The following GRIN2A variants were observed in gnomAD, a reference collection of about 807,000 sequenced individuals.
GRIN2A encodes the protein glutamate ionotropic receptor NMDA type subunit 2A.
GRIN2A carries 22 observed loss-of-function variants against 113.4 expected under a neutral mutation model. The observed-to-expected ratio is 0.19, with a 90% confidence interval of 0.14 to 0.28. The LOEUF (loss-of-function observed/expected upper bound fraction) is 0.28, where lower values mean the gene tolerates loss of function less well. GRIN2A is among the 10% of genes least tolerant of loss of function. GRIN2A has a pLI of 1.00. For synonymous variants in GRIN2A, 827 were observed against 738.4 expected (o/e 1.12, Z -1.94); for missense variants, 1,502 against 1,887.0 (o/e 0.80, Z 3.78).
intron 4 of GRIN2A, among the ~76,000 whole-genome samples, chr16:9,869,824 A>G (rs1011904468): frequency 1.3e-5 from 2 of 152,194 alleles, no homozygotes; most frequent in Non-Finnish European, 1.5e-5. Flanking sequence ...ACATTAACTC[A>G]TGTTTGTGAA....
chr16:10,144,601 C>A (rs569598857), intron 2 of GRIN2A, among the ~76,000 whole-genome samples: 1 of 152,202 alleles, frequency 6.6e-6, no homozygotes, highest in African/African-American at 2.4e-5. Flanking sequence ...TATTTTCTCC[C>A]ATTCTATAGG....
intron 2 of GRIN2A, among the ~76,000 whole-genome samples, chr16:10,147,498 TG>T (rs2049468071): frequency 7.2e-6 from 1 of 138,282 alleles, no homozygotes; most frequent in African/African-American, 2.7e-5. Context: ...CATGCAGGCA[TG>T]GTGGTACACA....
intron 4 of GRIN2A, among the ~76,000 whole-genome samples, chr16:9,883,537 C>G (rs554631293): frequency 6.6e-6 from 1 of 152,296 alleles, no homozygotes; most frequent in South Asian, 2.1e-4. Context: ...GCAAAGAGGA[C>G]AAATGTTTGA....
chr16:9,795,202 G>T (rs1414755040), intron 11 of GRIN2A, among the ~76,000 whole-genome samples: 1 of 152,136 alleles, frequency 6.6e-6, no homozygotes, highest in Non-Finnish European at 1.5e-5. Context: ...GTGGGCAAAA[G>T]ATATAGATCA....
intron 3 of GRIN2A, among the ~76,000 whole-genome samples, chr16:9,907,536 T>C (rs1015460991): frequency 2.5e-4 from 38 of 152,326 alleles, no homozygotes; most frequent in African/African-American, 8.4e-4. Context: ...GAATCCTGAT[T>C]GCAGTCATGA....
chr16:10,012,045 G>A (rs2046515492), intron 2 of GRIN2A, among the ~76,000 whole-genome samples: 1 of 152,034 alleles, frequency 6.6e-6, no homozygotes, highest in African/African-American at 2.4e-5. Context: ...AGTCCAATCA[G>A]TGATACTTGG....
chr16:10,125,630 G>GTA (rs2048917112), intron 2 of GRIN2A, among the ~76,000 whole-genome samples: 1 of 104,534 alleles, frequency 9.6e-6, no homozygotes, highest in African/African-American at 3.4e-5. Flanking sequence ...CATGGTGGGA[G>GTA]GAAAAAAAAA....
chr16:9,938,821 C>G (rs1389727802), intron 2 of GRIN2A, among the ~76,000 whole-genome samples: 1 of 152,142 alleles, frequency 6.6e-6, no homozygotes, highest in Admixed American at 6.5e-5. Flanking sequence ...TCCTCTAGTT[C>G]GTCCTGCCCC....
intron 2 of GRIN2A, among the ~76,000 whole-genome samples, chr16:9,991,728 G>C (rs1330064334): frequency 6.6e-6 from 1 of 152,168 alleles, no homozygotes; most frequent in Non-Finnish European, 1.5e-5. Context: ...CCATAAAAAA[G>C]AACAAGTTCA....
intron 4 of GRIN2A, among the ~76,000 whole-genome samples, chr16:9,862,462 TC>T (rs2043087361): frequency 1.3e-5 from 2 of 152,184 alleles, no homozygotes; most frequent in African/African-American, 4.8e-5. Flanking sequence ...ACAACCCGCA[TC>T]TCTGCTTCCA....
intron 9 of GRIN2A, among the ~76,000 whole-genome samples, chr16:9,826,297 C>G (rs2042386098): frequency 6.6e-6 from 1 of 152,142 alleles, no homozygotes; most frequent in Non-Finnish European, 1.5e-5. Flanking sequence ...GATGGATTTC[C>G]TCTGTCAGAG....
At chr16:9,994,125 T>C (rs1363029565) in intron 2 of GRIN2A, among the ~76,000 whole-genome samples, 5 of 152,194 alleles carry the variant, frequency 3.3e-5, no homozygotes, top group African/African-American at 1.2e-4. Flanking sequence ...AAGGTAATAG[T>C]GTGAAATACC....
intron 2 of GRIN2A, among the ~76,000 whole-genome samples, chr16:9,940,577 T>C (rs1045821955): frequency 6.6e-6 from 1 of 152,174 alleles, no homozygotes; most frequent in Admixed American, 6.5e-5. Flanking sequence ...CATAAGTGGA[T>C]GACAAGGGAA....
At chr16:9,959,927 C>T (rs752614942) in intron 2 of GRIN2A, among the ~76,000 whole-genome samples, 14 of 152,274 alleles carry the variant, frequency 9.2e-5, no homozygotes, top group Admixed American at 5.9e-4. Flanking sequence ...GAGCCAAAAT[C>T]GGGCCACTGC....
intron 10 of GRIN2A, among the ~76,000 whole-genome samples, chr16:9,800,362 C>T (rs1903285662): frequency 1.3e-5 from 2 of 152,130 alleles, no homozygotes; most frequent in African/African-American, 2.4e-5. Context: ...ATGAATGTCT[C>T]AACTCTAAAA....
chr16:9,882,833 T>C (rs756994160), intron 4 of GRIN2A, among the ~76,000 whole-genome samples: 3 of 152,190 alleles, frequency 2.0e-5, no homozygotes, highest in Non-Finnish European at 4.4e-5. Flanking sequence ...TAAATGCCTA[T>C]ACCCTGAGTT....
chr16:9,772,371 A>T (rs1010436233), intron 11 of GRIN2A, among the ~76,000 whole-genome samples: 1 of 151,986 alleles, frequency 6.6e-6, no homozygotes, highest in African/African-American at 2.4e-5. Flanking sequence ...CTTTGGAGGT[A>T]TTTTGTTTTG....
chr16:9,981,058 G>GAA (rs1446471190), intron 2 of GRIN2A, among the ~76,000 whole-genome samples: 3 of 150,510 alleles, frequency 2.0e-5, no homozygotes, highest in Admixed American at 6.6e-5. Flanking sequence ...GAGAGAGAGA[G>GAA]AATAGTTTCA....
intron 2 of GRIN2A, among the ~76,000 whole-genome samples, chr16:10,119,530 C>A (rs546273718): frequency 6.6e-6 from 1 of 152,116 alleles, no homozygotes; most frequent in Non-Finnish European, 1.5e-5. Flanking sequence ...GGAAGGAAGG[C>A]GGCTTTTTGT....
Sources: allele counts gnomAD v4.1 joint callset (sites outside exome capture counted in the v4.1 genomes callset), GRCh38; gene constraint gnomAD v4.1.1; transcripts MANE v1.5; gene names NCBI Gene and HGNC (gene_info 2026-07-23, HGNC 2026-07-21).